Variants in F13A1 observed in about 807,000 individuals in gnomAD.
F13A1 encodes the protein coagulation factor XIII A chain.
Under a neutral mutation model 80.1 loss-of-function variants are expected in F13A1, and 47 were observed. That is an observed-to-expected ratio of 0.59 (90% confidence interval 0.46 to 0.75). F13A1 has a LOEUF of 0.75. F13A1 is among the 30% of genes least tolerant of loss of function. The pLI, the probability that F13A1 is intolerant of heterozygous loss-of-function variation, is 0.00. For synonymous variants in F13A1, 349 were observed against 344.9 expected, an observed-to-expected ratio of 1.01 and a Z score of -0.13; for missense variants, 817 against 930.4, an observed-to-expected ratio of 0.88 and a Z score of 1.59.
chr6:6,212,681 A>T (rs1025875645), intron 8 of F13A1, among the ~76,000 whole-genome samples: 30 of 152,274 alleles, frequency 2.0e-4, no homozygotes, highest in Admixed American at 1.6e-3. Flanking sequence ...TGGATGGAGA[A>T]TAACTTTGAC....
intron 10 of F13A1, among the ~76,000 whole-genome samples, chr6:6,194,532 A>G (rs1761256158): frequency 6.6e-6 from 1 of 152,112 alleles, no homozygotes. Context: ...GTCTGTTCCC[A>G]GGTCGCCCTT....
intron 2 of F13A1, among the ~76,000 whole-genome samples, chr6:6,306,207 C>T (rs1758510629): frequency 6.6e-6 from 1 of 152,182 alleles, no homozygotes. Flanking sequence ...CAGAAACTAT[C>T]CTCAGCTTTC....
At chr6:6,273,663 C>T (rs377511873) in intron 3 of F13A1, among the ~76,000 whole-genome samples, 9 of 152,224 alleles carry the variant, frequency 5.9e-5, no homozygotes, top group Admixed American at 2.0e-4. Flanking sequence ...TTTCCCAAGG[C>T]GCACCTTTCA....
intron 10 of F13A1, among the ~76,000 whole-genome samples, chr6:6,184,584 G>A (rs1245110210): frequency 6.6e-6 from 1 of 152,184 alleles, no homozygotes; most frequent in African/African-American, 2.4e-5. Flanking sequence ...TGAGAATTCG[G>A]GAATTCCCTC....
Position 6,151,803 on chromosome 6 carries a change from C to T in F13A1, c.2045+10G>A, listed in dbSNP as rs1306394453. The T allele has an allele frequency of 6.2e-7, 1 of 1,613,912 alleles. No individual in the cohort carries two copies. Among genetic ancestry groups the T allele is most frequent in the African/African-American group, 1.3e-5 (1 of 74,900 alleles). On this transcript the variant is annotated intron_variant, in intron 14 of 14. Coordinates refer to ENST00000264870, the MANE Select transcript of F13A1 (RefSeq NM_000129.4). ...CACTGCCTGCCCGGTCTCCCCAACC[C>T]AAGGTTTACCGGAACATCTTCTTCA...
intron 8 of F13A1, among the ~76,000 whole-genome samples, chr6:6,211,132 C>A (rs553163727): frequency 1.3e-5 from 2 of 152,110 alleles, no homozygotes; most frequent in African/African-American, 4.8e-5. Flanking sequence ...GTTAAGTTAC[C>A]GTGCCACTAA....
At chr6:6,312,742 T>A (rs9405292) in intron 2 of F13A1, among the ~76,000 whole-genome samples, 138 of 12,722 alleles carry the variant, frequency 0.011, 3 homozygotes, top group South Asian at 0.099. Flanking sequence ...TCATAAAAAA[T>A]AAAATAAAAC....
At chr6:6,282,460 A>C (rs557779125) in intron 3 of F13A1, among the ~76,000 whole-genome samples, 10 of 152,214 alleles carry the variant, frequency 6.6e-5, no homozygotes, top group Non-Finnish European at 1.5e-4. Context: ...TCATTCTATC[A>C]ATAATAATTT....
chr6:6,212,967 G>A (rs980199560), intron 8 of F13A1, among the ~76,000 whole-genome samples: 1 of 152,096 alleles, frequency 6.6e-6, no homozygotes, highest in African/African-American at 2.4e-5. Context: ...AGTGAGAAGG[G>A]AAGTTTAGAG....
intron 6 of F13A1, among the ~76,000 whole-genome samples, chr6:6,241,398 GA>G (rs1757481787): frequency 6.6e-6 from 1 of 152,116 alleles, no homozygotes; most frequent in Non-Finnish European, 1.5e-5. Flanking sequence ...TGGTAGAGAT[GA>G]TTACCACCAC....
At chr6:6,197,368 A>G in intron 8 of F13A1, 42 bp from the exon 9 acceptor site, 1 of 1,566,172 alleles carries the variant, frequency 6.4e-7, no homozygotes, top group East Asian at 2.2e-5. Flanking sequence ...TTCCCATCAC[A>G]CCCAATGCTC....
intron 13 of F13A1, among the ~76,000 whole-genome samples, chr6:6,165,908 C>A (rs565424682): frequency 6.6e-6 from 1 of 152,322 alleles, no homozygotes; most frequent in Non-Finnish European, 1.5e-5. Flanking sequence ...ATGACAGAGG[C>A]GAAGGAAACA....
chr6:6,172,868 A>T lies in F13A1; in HGVS notation c.1747+1712T>A, dbSNP rs191065196. ...AAAAATAGTTTCTCATTTTTCTGGG[A>T]ATATTTTCCAAAACCTCAGTAAGGG... On this transcript the variant is annotated intron_variant, in intron 12 of 14. Transcript: ENST00000264870. 7.6e-4 allele frequency among the ~76,000 whole-genome samples: 116 copies of T among 152,304 alleles called. 1 individual carries two copies. Among genetic ancestry groups the T allele is most frequent in the African/African-American group, 2.6e-3 (108 of 41,558 alleles).
intron 8 of F13A1, among the ~76,000 whole-genome samples, chr6:6,213,285 T>G (rs1285559758): frequency 2.6e-5 from 4 of 151,086 alleles, no homozygotes; most frequent in African/African-American, 9.7e-5. Context: ...GAGAGAAAGG[T>G]CGGGTTACCC....
In F13A1 at chr6:6,145,377, T is replaced by C. The variant is rs201487086; in HGVS notation, c.*242A>G. On this transcript the variant is annotated 3_prime_UTR_variant, in exon 15 of 15. Coordinates refer to ENST00000264870, the MANE Select transcript of F13A1 (RefSeq NM_000129.4). The stretch of plus-strand genomic sequence containing the variant: ...ACTCTTATGAGCTATGAGAGCTTAA[T>C]TAAAGCTAATGCTTAGCACTCTTTG... 343 of 547,254 alleles carry C rather than the reference T, an allele frequency of 6.3e-4. 1 individual carries two copies. The highest frequency in any genetic ancestry group is 6.0e-3 in the African/African-American group (317 of 52,850). The allele number at this position is 547,254 out of a possible 1,614,324, so 33.9% of individuals were successfully genotyped here.
At chr6:6,212,671 T>C (rs1245820173) in intron 8 of F13A1, among the ~76,000 whole-genome samples, 1 of 152,230 alleles carries the variant, frequency 6.6e-6, no homozygotes, top group Non-Finnish European at 1.5e-5. Context: ...GGAACAAAGC[T>C]GGATGGAGAA....
At chr6:6,284,038 C>T (rs185312491) in intron 3 of F13A1, among the ~76,000 whole-genome samples, 23 of 152,262 alleles carry the variant, frequency 1.5e-4, no homozygotes, top group Non-Finnish European at 1.5e-4. Context: ...GGTTTACCAA[C>T]CCATATAAAT....
At chr6:6,158,875 T>G (rs909269848) in intron 13 of F13A1, among the ~76,000 whole-genome samples, 3 of 152,020 alleles carry the variant, frequency 2.0e-5, no homozygotes, top group Admixed American at 6.6e-5. Flanking sequence ...GCACTCATTA[T>G]ATCTCAAGTG....
Position 6,161,524 on chromosome 6 carries a change from A to ATGTGTGTGTGTGTGTGTG in F13A1, c.1908+5916_1908+5933dup, listed in dbSNP as rs143895728. ...GGGGATACTGAAGTTCAGAGAGAGG[A>ATGTGTGTGTGTGTGTGTG]TGTGTGTGTGTGTGTGTGTGTGTGT... On this transcript the variant is annotated intron_variant, in intron 13 of 14. Transcript: ENST00000264870. 5.8e-3 allele frequency among the ~76,000 whole-genome samples: 774 copies of ATGTGTGTGTGTGTGTGTG among 133,568 alleles called. 4 individuals carry two copies. The highest frequency in any genetic ancestry group is 8.5e-3 in the Non-Finnish European group (539 of 63,536). The allele number at this position is 133,568 out of a possible 152,430, so 87.6% of individuals were successfully genotyped here.
Sources: gnomAD v4.1 joint callset for allele counts (sites outside exome capture counted in the v4.1 genomes callset) on GRCh38, gnomAD v4.1.1 for gene constraint, MANE v1.5 for transcripts, NCBI Gene and HGNC (gene_info 2026-07-23, HGNC 2026-07-21) for gene names.